LRP1B: variants seen among roughly 807,000 people sequenced by gnomAD.
The protein encoded by LRP1B is low-density lipoprotein receptor-related protein 1B.
LRP1B carries 217 observed loss-of-function variants against 556.6 expected under a neutral mutation model. The ratio of observed to expected loss-of-function variants is 0.39; its 90% CI spans 0.35 to 0.44. The LOEUF (loss-of-function observed/expected upper bound fraction) is 0.44. Ranked by LOEUF, LRP1B falls within the 20% of genes least tolerant of loss-of-function variation. The pLI, the probability that LRP1B is intolerant of heterozygous loss-of-function variation, is 1.00. For missense variants in LRP1B, 5,053 were observed against 5,620.8 expected, an observed-to-expected ratio of 0.90 and a Z score of 3.23; for synonymous variants, 2,047 against 1,865.8, an observed-to-expected ratio of 1.10 and a Z score of -2.50.
rs549524484 is a variant in LRP1B at position 140,534,328 on chromosome 2, C to G, written c.7643-188G>C. 2.9e-4 allele frequency among the ~76,000 whole-genome samples: 44 copies of G among 152,136 alleles called. 1 individual carries two copies. Among genetic ancestry groups the G allele is most frequent in the Admixed American group, 5.9e-4 (9 of 15,256 alleles). On this transcript the variant is annotated intron_variant, in intron 46 of 90. Transcript: ENST00000389484. ...AAAGAGCAGTTCATTCAGCAAGGGC[C>G]CTTTTTGACTTAGTGTTTTAACTTT...
chr2:141,394,842 T>C (rs1486891588), intron 3 of LRP1B, among the ~76,000 whole-genome samples: 1 of 152,120 alleles, frequency 6.6e-6, no homozygotes, highest in Admixed American at 6.6e-5. Context: ...TCTACAAAAC[T>C]AGTCATGTGA....
chr2:142,081,648 G>A (rs1048285065), intron 1 of LRP1B, among the ~76,000 whole-genome samples: 7 of 152,100 alleles, frequency 4.6e-5, no homozygotes, highest in African/African-American at 1.7e-4. Flanking sequence ...ATTTATTTAT[G>A]TATTTATTAT....
chr2:140,910,344 T>A (rs988686711), intron 21 of LRP1B, among the ~76,000 whole-genome samples: 1 of 151,782 alleles, frequency 6.6e-6, no homozygotes, highest in Non-Finnish European at 1.5e-5. Context: ...CATTTGCCAA[T>A]CTGGAGGATA....
intron 17 of LRP1B, among the ~76,000 whole-genome samples, chr2:140,982,588 T>C (rs1399299352): frequency 1.3e-5 from 2 of 152,130 alleles, no homozygotes; most frequent in Non-Finnish European, 2.9e-5. Flanking sequence ...TGCTTATGAA[T>C]ATAAGGTTGA....
At chr2:140,304,924 A>G (rs536043618) in intron 83 of LRP1B, among the ~76,000 whole-genome samples, 38 of 152,174 alleles carry the variant, frequency 2.5e-4, no homozygotes, top group African/African-American at 8.4e-4. Context: ...TCCTTTCCCC[A>G]TTTCTTGTTT....
At chr2:140,966,782 C>T (rs976514635) in intron 18 of LRP1B, among the ~76,000 whole-genome samples, 3 of 152,136 alleles carry the variant, frequency 2.0e-5, no homozygotes, top group Non-Finnish European at 2.9e-5. Flanking sequence ...TTTCCCAGCA[C>T]CATTTATTAA....
At chr2:141,025,127 T>C (rs1698181438) in intron 11 of LRP1B, among the ~76,000 whole-genome samples, 1 of 152,046 alleles carries the variant, frequency 6.6e-6, no homozygotes, top group East Asian at 1.9e-4. Context: ...TGCAGATAGA[T>C]AGAGCAAACA....
At chr2:141,934,366 T>A (rs1700579961) in intron 1 of LRP1B, among the ~76,000 whole-genome samples, 1 of 152,118 alleles carries the variant, frequency 6.6e-6, no homozygotes, top group South Asian at 2.1e-4. Flanking sequence ...TGACTGAGAA[T>A]TTTTTATAAT....
At chr2:140,386,076 C>T in intron 66 of LRP1B, 67 bp from the exon 67 acceptor site, 2 of 919,358 alleles carry the variant, frequency 2.2e-6, no homozygotes, top group Non-Finnish European at 3.5e-6. Context: ...AACGTCCTCA[C>T]TGCCATGCCA....
Position 140,917,869 on chromosome 2 carries a change from T to C in LRP1B, c.3319+5096A>G, listed in dbSNP as rs1319501837. 5.9e-5 allele frequency among the ~76,000 whole-genome samples: 9 copies of C among 152,146 alleles called. No individual in the cohort carries two copies. The East Asian group carries it at 1.7e-3, about 29-fold the overall frequency. On this transcript the variant is annotated intron_variant, in intron 21 of 90. Transcript: ENST00000389484. ...TTTGGATGAGAAAGATGTGTCACTA[T>C]AGGTGCATTGATTATAACAAATGTA... is the stretch of plus-strand genomic sequence containing the variant.
At chr2:140,874,039 A>G (rs1275921700) in intron 25 of LRP1B, among the ~76,000 whole-genome samples, 1 of 152,110 alleles carries the variant, frequency 6.6e-6, no homozygotes, top group Non-Finnish European at 1.5e-5. Context: ...GTTGTTTAAG[A>G]AACACAGATG....
chr2:141,143,610 C>T (rs1296064877), intron 7 of LRP1B, among the ~76,000 whole-genome samples: 1 of 152,084 alleles, frequency 6.6e-6, no homozygotes, highest in Non-Finnish European at 1.5e-5. Context: ...ATTTTTCAAA[C>T]AAATAGTTTC....
intron 1 of LRP1B, among the ~76,000 whole-genome samples, chr2:141,905,851 G>T (rs1353996116): frequency 6.7e-6 from 1 of 149,012 alleles, no homozygotes; most frequent in African/African-American, 2.5e-5. Flanking sequence ...CAAGATATTT[G>T]TGTGTGTCTC....
chr2:140,339,891 A>G (rs1184951923), intron 77 of LRP1B, among the ~76,000 whole-genome samples: 1 of 151,608 alleles, frequency 6.6e-6, no homozygotes, highest in Non-Finnish European at 1.5e-5. Flanking sequence ...TTTATGATTT[A>G]TACTGAACAA....
At chr2:140,809,330 T>A (rs1160045233) in intron 32 of LRP1B, among the ~76,000 whole-genome samples, 2 of 152,144 alleles carry the variant, frequency 1.3e-5, no homozygotes, top group Non-Finnish European at 2.9e-5. Context: ...TTCCTTCTCC[T>A]CAAAAATAAA....
At chr2:141,905,763 AGATGTGTGTGTGTG>A (rs1699737583) in intron 1 of LRP1B, among the ~76,000 whole-genome samples, 2 of 115,200 alleles carry the variant, frequency 1.7e-5, no homozygotes, top group Admixed American at 8.5e-5. Flanking sequence ...TGGTTTGAAT[AGATGTGTGTGTGTG>A]TGTGTGTGTG....
chr2:140,510,623 A>G (rs1689612002), intron 51 of LRP1B, among the ~76,000 whole-genome samples: 1 of 152,194 alleles, frequency 6.6e-6, no homozygotes, highest in South Asian at 2.1e-4. Flanking sequence ...GCACCCTCTG[A>G]ATCCTAAGCA....
At chr2:141,829,730 T>C (rs1484993651) in intron 1 of LRP1B, among the ~76,000 whole-genome samples, 1 of 152,040 alleles carries the variant, frequency 6.6e-6, no homozygotes. Flanking sequence ...ATTTGGATCA[T>C]ATACATGTCC....
chr2:140,237,027 A>G, intron 89 of LRP1B, among the ~76,000 whole-genome samples: 1 of 151,002 alleles, frequency 6.6e-6, no homozygotes, highest in Admixed American at 6.6e-5. Context: ...TGGCGAGAAC[A>G]TTAAAAATCC....
Sources: allele counts gnomAD v4.1 joint callset (sites outside exome capture counted in the v4.1 genomes callset), GRCh38; gene constraint gnomAD v4.1.1; transcripts MANE v1.5; gene names NCBI Gene and HGNC (gene_info 2026-07-23, HGNC 2026-07-21).